STRN: variants seen among roughly 807,000 people sequenced by gnomAD.
STRN encodes the protein striatin.
Under a neutral mutation model 96.3 loss-of-function variants are expected in STRN, and 53 were observed. That is an observed-to-expected ratio of 0.55 (90% CI 0.44 to 0.69). The LOEUF is 0.69. Ranked by LOEUF, STRN falls within the 30% of genes least tolerant of loss-of-function variation. The pLI, the probability that STRN is intolerant of heterozygous loss-of-function variation, is 0.00. For missense variants in STRN, 987 were observed against 963.9 expected, an observed-to-expected ratio of 1.02 and a Z score of -0.32; for synonymous variants, 428 against 355.9, an observed-to-expected ratio of 1.20 and a Z score of -2.28.
chr2:36,946,122 G>A lies in STRN; in HGVS notation c.234+20108C>T, dbSNP rs956544431. Among the ~76,000 whole-genome samples the A allele has an allele frequency of 3.3e-5, 5 of 150,762 alleles. No individual in the cohort carries two copies. In the East Asian group the frequency reaches 5.8e-4, roughly 18 times the overall value. On this transcript the variant is annotated intron_variant, in intron 1 of 17. Coordinates refer to ENST00000263918, the MANE Select transcript of STRN (RefSeq NM_003162.4). ...CTAGAAAAAGAGAGGTATAAATACC[G>A]GAAATATTTCCAGTTGATTTTTTTC...
rs143969671 is a variant in STRN at position 36,893,974 on chromosome 2, T to G, written c.855A>C (p.Leu285=). 481 of 1,613,702 alleles carry G rather than the reference T, an allele frequency of 3.0e-4. No homozygotes were observed. The African/African-American group carries it at 5.7e-3, about 19-fold the overall frequency. Residue 285 remains leucine (L), a synonymous_variant, in exon 7 of 18, where the codon CTA becomes CTC. Transcript: ENST00000263918. Reference sequence around the variant, plus strand: ...ATGTAACCAAGAAGTCAAACTCCTTTAGAGCTTCTTTTGTATCTCGATCTT... The same window carrying G: ...ATGTAACCAAGAAGTCAAACTCCTTGAGAGCTTCTTTTGTATCTCGATCTT... ...SGEDRDTKEA[L]KEFDFLVTSE...
intron 15 of STRN, among the ~76,000 whole-genome samples, chr2:36,853,617 A>G (rs948158589): frequency 6.6e-6 from 1 of 152,226 alleles, no homozygotes; most frequent in Admixed American, 6.5e-5. Context: ...TACCACAGTC[A>G]AATCGCCATT....
chr2:36,878,170 G>T, intron 9 of STRN, 143 bp from the exon 10 acceptor site: 2 of 890,568 alleles, frequency 2.2e-6, no homozygotes, highest in Non-Finnish European at 3.3e-6. Context: ...AATTCAGTGA[G>T]CAGAAAATCC....
chr2:36,966,206 C>A, intron 1 of STRN, 24 bp downstream of exon 1: 1 of 1,524,744 alleles, frequency 6.6e-7, no homozygotes, highest in Admixed American at 2.0e-5. Context: ...GGGATGAAGA[C>A]GGCCAGGCCG....
chr2:36,928,087 C>G (rs993509323), intron 1 of STRN, among the ~76,000 whole-genome samples: 7 of 151,500 alleles, frequency 4.6e-5, no homozygotes, highest in Non-Finnish European at 7.4e-5. Context: ...TTTTTTTTCT[C>G]TAGGAAACTT....
intron 1 of STRN, among the ~76,000 whole-genome samples, chr2:36,945,597 C>A (rs1670959615): frequency 6.6e-6 from 1 of 151,814 alleles, no homozygotes; most frequent in South Asian, 2.1e-4. Flanking sequence ...AACCAAGAGG[C>A]AGAGTTGCAG....
At chr2:36,924,313 A>T (rs1670350519) in intron 2 of STRN, among the ~76,000 whole-genome samples, 1 of 145,344 alleles carries the variant, frequency 6.9e-6, no homozygotes, top group Non-Finnish European at 1.5e-5. Flanking sequence ...CTGAGATTGC[A>T]CCACTGCACT....
intron 9 of STRN, 61 bp from the exon 10 acceptor site, chr2:36,878,088 T>G (rs1214726284): frequency 6.3e-7 from 1 of 1,580,656 alleles, no homozygotes; most frequent in Non-Finnish European, 8.6e-7. Context: ...TTTAGTCTCA[T>G]TTGCTTGCAT....
rs573661477 is a variant in STRN at position 36,895,533 on chromosome 2, G to A, written c.796-1500C>T. Among the ~76,000 whole-genome samples, 15 of 152,122 alleles carry A rather than the reference G, an allele frequency of 9.9e-5. No individual in the cohort carries two copies. The South Asian group carries it at 1.5e-3, about 15-fold the overall frequency. On this transcript the variant is annotated intron_variant, in intron 6 of 17. Transcript: ENST00000263918. ...GTGGCAGACTGGGAACAGAAAACCC[G>A]TGCTGAATGTGTATTCTTTTATAAA...
At chr2:36,923,893 G>C (rs1347512264) in intron 2 of STRN, among the ~76,000 whole-genome samples, 2 of 152,060 alleles carry the variant, frequency 1.3e-5, no homozygotes, top group East Asian at 3.9e-4. Context: ...ATTCATTAAA[G>C]CAAATAAATA....
intron 7 of STRN, among the ~76,000 whole-genome samples, chr2:36,890,745 A>G (rs934727966): frequency 1.3e-5 from 2 of 152,116 alleles, no homozygotes; most frequent in Admixed American, 6.6e-5. Flanking sequence ...CGGCCTCCCA[A>G]AGTGCTGGGA....
chr2:36,883,859 G>T, intron 9 of STRN, 73 bp downstream of exon 9: 1 of 1,263,976 alleles, frequency 7.9e-7, no homozygotes, highest in Non-Finnish European at 1.0e-6. Flanking sequence ...AATAGGAGAG[G>T]CCTTTCTAAT....
chr2:36,871,385 G>C (rs989242176), intron 10 of STRN, among the ~76,000 whole-genome samples: 3 of 152,120 alleles, frequency 2.0e-5, no homozygotes, highest in Admixed American at 1.3e-4. Context: ...TCTATGTTTA[G>C]ACATGTTTAG....
intron 1 of STRN, among the ~76,000 whole-genome samples, chr2:36,955,905 T>A (rs147783235): frequency 2.0e-5 from 3 of 152,218 alleles, no homozygotes; most frequent in Non-Finnish European, 2.9e-5. Flanking sequence ...ATATACCCTA[T>A]ACACACAGTT....
At chr2:36,870,971 TAA>T (rs1237555675) in intron 10 of STRN, among the ~76,000 whole-genome samples, 13 of 152,044 alleles carry the variant, frequency 8.6e-5, no homozygotes. Context: ...ACAAAAAAGT[TAA>T]AAAGTAAAAT....
chr2:36,960,765 AAT>A (rs1410457744), intron 1 of STRN, among the ~76,000 whole-genome samples: 4 of 152,226 alleles, frequency 2.6e-5, no homozygotes, highest in Non-Finnish European at 1.5e-5. Flanking sequence ...AATTATAAAT[AAT>A]AGTCACAATA....
intron 1 of STRN, among the ~76,000 whole-genome samples, chr2:36,955,065 T>A (rs572447655): frequency 6.6e-6 from 1 of 152,336 alleles, no homozygotes; most frequent in Non-Finnish European, 1.5e-5. Context: ...GTGATAAGAA[T>A]TTAAATTATG....
intron 3 of STRN, 54 bp downstream of exon 3, chr2:36,916,024 A>G (rs1244524831): frequency 6.9e-7 from 1 of 1,458,528 alleles, no homozygotes; most frequent in Non-Finnish European, 9.5e-7. Flanking sequence ...CTGCTAGAAA[A>G]TACTAGACAT....
chr2:36,920,813 A>G (rs1659507234), intron 2 of STRN, among the ~76,000 whole-genome samples: 1 of 152,076 alleles, frequency 6.6e-6, no homozygotes, highest in Admixed American at 6.6e-5. Flanking sequence ...GCGGTGGCTC[A>G]CGTCTGTGAT....
Sources: gnomAD v4.1 joint callset for allele counts (sites outside exome capture counted in the v4.1 genomes callset) on GRCh38, gnomAD v4.1.1 for gene constraint, MANE v1.5 for transcripts, NCBI Gene and HGNC (gene_info 2026-07-23, HGNC 2026-07-21) for gene names.